PPCDC: variants seen among roughly 807,000 people sequenced by gnomAD.
PPCDC encodes the protein phosphopantothenoylcysteine decarboxylase.
PPCDC carries 20 observed loss-of-function variants against 20.7 expected under a neutral mutation model. The ratio of observed to expected loss-of-function variants is 0.97; its 90% CI spans 0.68 to 1.41. PPCDC has a LOEUF of 1.41. Ranked by LOEUF, PPCDC falls within the 40% of genes most tolerant of loss-of-function variation. PPCDC has a pLI of 0.00. For synonymous variants in PPCDC, 88 were observed against 100.3 expected (o/e 0.88, Z 0.73); for missense variants, 246 against 263.8 (o/e 0.93, Z 0.47).
At chr15:75,039,930 A>T (rs60867058) in intron 2 of PPCDC, among the ~76,000 whole-genome samples, 3,308 of 151,668 alleles carry the variant, frequency 0.022, 110 homozygotes, top group African/African-American at 0.076. Flanking sequence ...GATTACAGGC[A>T]TGCGCCACCA....
chr15:75,027,159 G>C (rs1356285107), intron 1 of PPCDC, among the ~76,000 whole-genome samples: 1 of 152,092 alleles, frequency 6.6e-6, no homozygotes, highest in Non-Finnish European at 1.5e-5. Flanking sequence ...TCCCAGGGAA[G>C]GACTGATCTC....
intron 1 of PPCDC, among the ~76,000 whole-genome samples, chr15:75,024,349 G>A (rs1420008762): frequency 6.6e-6 from 1 of 151,946 alleles, no homozygotes; most frequent in Non-Finnish European, 1.5e-5. Flanking sequence ...GGGGATTGCT[G>A]TATACTTTTT....
intron 2 of PPCDC, among the ~76,000 whole-genome samples, chr15:75,041,058 A>G (rs2066147145): frequency 6.6e-6 from 1 of 152,114 alleles, no homozygotes; most frequent in South Asian, 2.1e-4. Context: ...TGTGGGTTTG[A>G]AAGGTAAAGG....
intron 4 of PPCDC, among the ~76,000 whole-genome samples, chr15:75,048,015 C>T (rs531776832): frequency 6.6e-6 from 1 of 152,328 alleles, no homozygotes; most frequent in South Asian, 2.1e-4. Context: ...GACTGCTTAC[C>T]TCTCAGGGAG....
chr15:75,043,333 C>A, intron 2 of PPCDC, 108 bp from the exon 3 acceptor site: 1 of 874,444 alleles, frequency 1.1e-6, no homozygotes, highest in Non-Finnish European at 1.8e-6. Flanking sequence ...TCAAGCCAGC[C>A]TGTGAAGACA....
intron 2 of PPCDC, among the ~76,000 whole-genome samples, chr15:75,031,628 C>G (rs2066022864): frequency 6.6e-6 from 1 of 152,106 alleles, no homozygotes; most frequent in South Asian, 2.1e-4. Context: ...CGCTTGAACC[C>G]AGAAGGCAGA....
intron 2 of PPCDC, among the ~76,000 whole-genome samples, chr15:75,041,381 G>A (rs2141492371): frequency 6.6e-6 from 1 of 152,306 alleles, no homozygotes; most frequent in East Asian, 1.9e-4. Context: ...TGTAATCCTA[G>A]CACTTTGAGA....
intron 2 of PPCDC, among the ~76,000 whole-genome samples, chr15:75,038,719 G>A (rs1381586581): frequency 6.6e-6 from 1 of 151,968 alleles, no homozygotes; most frequent in Non-Finnish European, 1.5e-5. Flanking sequence ...CTGTGGGTTC[G>A]TCACTTCTGG....
At chr15:75,039,167 C>CT (rs1288955256) in intron 2 of PPCDC, among the ~76,000 whole-genome samples, 9 of 152,324 alleles carry the variant, frequency 5.9e-5, no homozygotes, top group African/African-American at 2.2e-4. Context: ...ATTGGAAACT[C>CT]TGTCTTCACT....
Position 75,049,393 on chromosome 15 carries a change from G to A in PPCDC, c.*158G>A. The A allele has an allele frequency of 1.5e-6, 1 of 674,008 alleles. No individual in the cohort carries two copies. The highest frequency in any genetic ancestry group is 2.5e-6 in the Non-Finnish European group (1 of 398,482). 41.8% of individuals were successfully genotyped at this position (674,008 alleles called of 1,614,324 possible). A position where few individuals can be genotyped will look rare whatever the true frequency, so the allele number is the denominator to read the frequency against. ...GGCCAGGCCTGCTCCAGGTTAAACT[G>A]GACGGAAGGCCCAGGTCTCAGTTTC... On this transcript the variant is annotated 3_prime_UTR_variant, in exon 6 of 6. Coordinates refer to ENST00000342932, the MANE Select transcript of PPCDC (RefSeq NM_021823.5).
At chr15:75,029,178 T>C (rs576365903) in intron 2 of PPCDC, among the ~76,000 whole-genome samples, 206 of 152,288 alleles carry the variant, frequency 1.4e-3, no homozygotes, top group African/African-American at 4.7e-3. Flanking sequence ...GGTCTTTGCG[T>C]GGCTGGGCCC....
intron 1 of PPCDC, among the ~76,000 whole-genome samples, chr15:75,024,946 A>T (rs1220473341): frequency 2.0e-5 from 3 of 150,796 alleles, no homozygotes; most frequent in Non-Finnish European, 3.0e-5. Context: ...TATATTTTGA[A>T]ATGGTCTCTC....
At chr15:75,043,233 A>G in intron 2 of PPCDC, 2 of 502,904 alleles carry the variant, frequency 4.0e-6, no homozygotes, top group Non-Finnish European at 3.5e-6. Flanking sequence ...GGGAAGTGAA[A>G]CAGCCACACC....
At chr15:75,027,608 G>A (rs2065972920) in intron 1 of PPCDC, among the ~76,000 whole-genome samples, 1 of 152,056 alleles carries the variant, frequency 6.6e-6, no homozygotes, top group Non-Finnish European at 1.5e-5. Context: ...ATCCCTTCCT[G>A]CCGCTTCCTT....
intron 1 of PPCDC, among the ~76,000 whole-genome samples, chr15:75,025,333 C>T (rs2065948209): frequency 1.3e-5 from 2 of 152,188 alleles, no homozygotes; most frequent in Admixed American, 6.5e-5. Context: ...GTCTTAGGCT[C>T]AGTTCTCATC....
In PPCDC at chr15:75,049,251, A is replaced by G; in HGVS notation, c.*16A>G. ...GCAGAGTTGACCTGGGATTTCTGTC[A>G]TGGGTGTCCCTCTGTACTCAGAATG... On this transcript the variant is annotated 3_prime_UTR_variant, in exon 6 of 6. Coordinates refer to ENST00000342932, the MANE Select transcript of PPCDC (RefSeq NM_021823.5). 2 of 1,610,326 alleles carry G rather than the reference A, an allele frequency of 1.2e-6. No individual in the cohort carries two copies. The highest frequency in any genetic ancestry group is 1.7e-6 in the Non-Finnish European group (2 of 1,176,544).
At position 75,043,524 on chromosome 15, in the gene PPCDC, T is replaced by C. The variant is rs186086165; in HGVS notation, c.219T>C (p.Ala73=). ...QDIPVTLYSD[A]DEWEIWKSRS... ...TTCCTGTCACCCTCTACAGCGACGC[T>C]GATGAATGGGAGGTCAGTGCTGGGG... The change falls in exon 3 of 6, where the codon GCT becomes GCC. Residue 73 remains alanine (A), a synonymous_variant. Coordinates refer to ENST00000342932, the MANE Select transcript of PPCDC (RefSeq NM_021823.5). The C allele has an allele frequency of 4.3e-6, 7 of 1,609,816 alleles. No individual in the cohort carries two copies. The African/African-American group carries it at 5.3e-5, about 12-fold the overall frequency.
At chr15:75,039,945 C>T (rs1426992513) in intron 2 of PPCDC, among the ~76,000 whole-genome samples, 3 of 151,832 alleles carry the variant, frequency 2.0e-5, no homozygotes, top group East Asian at 1.9e-4. Flanking sequence ...CCACCACACC[C>T]GGCTAATTTT....
intron 2 of PPCDC, among the ~76,000 whole-genome samples, chr15:75,042,602 G>A (rs1301808634): frequency 2.7e-5 from 4 of 145,900 alleles, no homozygotes; most frequent in Non-Finnish European, 5.9e-5. Flanking sequence ...GCGGTGAGCC[G>A]AGATCATACC....
Sources: gnomAD v4.1 joint callset for allele counts (sites outside exome capture counted in the v4.1 genomes callset) on GRCh38, gnomAD v4.1.1 for gene constraint, MANE v1.5 for transcripts, NCBI Gene and HGNC (gene_info 2026-07-23, HGNC 2026-07-21) for gene names.